The following MROH9 variants were observed in gnomAD, a reference collection of about 807,000 sequenced individuals.
MROH9 encodes the protein maestro heat-like repeat-containing protein family member 9.
In MROH9, 92 loss-of-function variants were observed where a neutral mutation model predicts 98.2. The ratio of observed to expected loss-of-function variants is 0.94; its 90% CI spans 0.79 to 1.11. The LOEUF (loss-of-function observed/expected upper bound fraction) is 1.11, where lower values mean the gene tolerates loss of function less well. Among genes scored for constraint, MROH9 ranks in the 50% most tolerant of loss-of-function variants. The probability of loss-of-function intolerance (pLI) is 0.00; values close to 1 mark genes in which losing one functional copy is unlikely to be tolerated. For missense variants in MROH9, 1,057 were observed against 1,014.8 expected (o/e 1.04, Z -0.57); for synonymous variants, 397 against 368.9 (o/e 1.08, Z -0.87).
At chr1:170,974,866 A>C (rs1650620949) in intron 8 of MROH9, among the ~76,000 whole-genome samples, 1 of 152,026 alleles carries the variant, frequency 6.6e-6, no homozygotes, top group Non-Finnish European at 1.5e-5. Flanking sequence ...TAAAGGGAAA[A>C]ATGTATAAAT....
At position 171,024,528 on chromosome 1, in the gene MROH9, A is replaced by G. The variant is rs1472106773; in HGVS notation, c.2042A>G (p.Asp681Gly). Residue 681 changes from aspartate (D) to glycine (G), a missense_variant, in exon 18 of 22, where the codon GAT (aspartate) becomes GGT (glycine). Transcript: ENST00000367759. ...LVPLILFLED[D>G]DKRVAEACKY... The stretch of plus-strand genomic sequence containing the variant: ...CCCCTAATCCTATTTTTGGAGGATG[A>G]TGATAAAAGAGTAGCTGAAGTAAGT... 3.3e-6 allele frequency: 5 copies of G among 1,533,326 alleles called. No individual in the cohort carries two copies. Among genetic ancestry groups the G allele is most frequent in the Non-Finnish European group, 4.4e-6 (5 of 1,140,208 alleles). The allele number at this position is 1,533,326 out of a possible 1,614,324, so 95.0% of individuals were successfully genotyped here.
At chr1:170,963,650 C>A (rs577957463) in intron 6 of MROH9, among the ~76,000 whole-genome samples, 5 of 152,212 alleles carry the variant, frequency 3.3e-5, no homozygotes, top group Non-Finnish European at 5.9e-5. Flanking sequence ...TACTATGCAG[C>A]CATACAAAAG....
chr1:171,055,548 G>T (rs1653809526), intron 20 of MROH9, among the ~76,000 whole-genome samples: 1 of 151,192 alleles, frequency 6.6e-6, no homozygotes, highest in South Asian at 2.1e-4. Context: ...GCTAGAATCT[G>T]GGAGGTGGAG....
At chr1:170,983,979 A>C (rs555472059) in intron 9 of MROH9, among the ~76,000 whole-genome samples, 1 of 152,352 alleles carries the variant, frequency 6.6e-6, no homozygotes, top group African/African-American at 2.4e-5. Context: ...AAAAATAAAA[A>C]TTTAAAAAGC....
chr1:171,001,690 G>A (rs116050998), intron 15 of MROH9, among the ~76,000 whole-genome samples: 6,103 of 151,758 alleles, frequency 0.04, 415 homozygotes, highest in African/African-American at 0.14. Flanking sequence ...AAAAAGTTCC[G>A]CTGTTGAACA....
chr1:171,035,444 AT>A (rs1653070632), intron 20 of MROH9, among the ~76,000 whole-genome samples: 1 of 151,986 alleles, frequency 6.6e-6, no homozygotes, highest in African/African-American at 2.4e-5. Context: ...ATATAAAAAA[AT>A]AAAAACTGAT....
chr1:170,959,413 T>C, intron 4 of MROH9, 49 bp from the exon 5 acceptor site: 1 of 1,495,568 alleles, frequency 6.7e-7, no homozygotes, highest in Non-Finnish European at 9.0e-7. Context: ...ACTAAATTTC[T>C]ATTATATTTG....
chr1:170,981,390 G>A (rs1393925328), intron 8 of MROH9, among the ~76,000 whole-genome samples: 1 of 152,164 alleles, frequency 6.6e-6, no homozygotes, highest in Non-Finnish European at 1.5e-5. Flanking sequence ...ACTGGATAAA[G>A]AAAATGTGGT....
At chr1:171,012,552 G>C (rs1652189345) in intron 15 of MROH9, among the ~76,000 whole-genome samples, 1 of 139,024 alleles carries the variant, frequency 7.2e-6, no homozygotes, top group South Asian at 2.2e-4. Flanking sequence ...ACCCAGGCTA[G>C]AGTGCAGTGG....
At chr1:171,033,087 G>A (rs1004106196) in intron 20 of MROH9, among the ~76,000 whole-genome samples, 2 of 152,238 alleles carry the variant, frequency 1.3e-5, no homozygotes, top group Admixed American at 6.5e-5. Flanking sequence ...GGGCTGCGGA[G>A]GGACAAGTCT....
intron 12 of MROH9, among the ~76,000 whole-genome samples, chr1:170,994,523 G>A (rs1651481555): frequency 6.6e-6 from 1 of 152,060 alleles, no homozygotes; most frequent in African/African-American, 2.4e-5. Flanking sequence ...CACATGAGAT[G>A]TTTCAATACC....
intron 20 of MROH9, among the ~76,000 whole-genome samples, chr1:171,027,803 A>G (rs527744143): frequency 1.3e-5 from 2 of 152,324 alleles, no homozygotes; most frequent in East Asian, 1.9e-4. Context: ...TCTAATGATC[A>G]GTGATGTTGA....
chr1:170,941,770 C>T (rs1350220166), intron 1 of MROH9, among the ~76,000 whole-genome samples: 2 of 152,186 alleles, frequency 1.3e-5, no homozygotes, highest in African/African-American at 4.8e-5. Context: ...GGACTTCCCT[C>T]ACAAATTGCT....
At chr1:171,002,272 C>T (rs1651808654) in intron 15 of MROH9, among the ~76,000 whole-genome samples, 1 of 151,880 alleles carries the variant, frequency 6.6e-6, no homozygotes, top group Admixed American at 6.6e-5. Flanking sequence ...GGTACTGTTG[C>T]ATTCATCATG....
chr1:170,940,233 A>AC (rs1456257610), intron 1 of MROH9, among the ~76,000 whole-genome samples: 1 of 152,112 alleles, frequency 6.6e-6, no homozygotes, highest in Non-Finnish European at 1.5e-5. Context: ...ACACTACTGG[A>AC]CCCCTAGAAA....
intron 12 of MROH9, among the ~76,000 whole-genome samples, chr1:170,994,984 T>C (rs1171778685): frequency 6.6e-6 from 1 of 150,404 alleles, no homozygotes; most frequent in Non-Finnish European, 1.5e-5. Context: ...AAATGATCTG[T>C]TGGTGACCTG....
intron 20 of MROH9, among the ~76,000 whole-genome samples, chr1:171,036,789 A>T (rs1293673022): frequency 1.8e-5 from 2 of 110,054 alleles, no homozygotes; most frequent in African/African-American, 8.9e-5. Flanking sequence ...ATACAAAAAT[A>T]AAAAAAAAAA....
At chr1:171,060,638 A>G (rs185273617) in intron 20 of MROH9, among the ~76,000 whole-genome samples, 1 of 152,338 alleles carries the variant, frequency 6.6e-6, no homozygotes, top group Admixed American at 6.5e-5. Context: ...ACTGCCGAAC[A>G]GTAAGGTAAG....
chr1:170,971,617 A>T, intron 7 of MROH9, 131 bp from the exon 8 acceptor site: 1 of 1,049,604 alleles, frequency 9.5e-7, no homozygotes. Context: ...CCAGGATTTG[A>T]TTACAGATAT....
Sources: gnomAD v4.1 joint callset for allele counts (sites outside exome capture counted in the v4.1 genomes callset) on GRCh38, gnomAD v4.1.1 for gene constraint, MANE v1.5 for transcripts, NCBI Gene and HGNC (gene_info 2026-07-23, HGNC 2026-07-21) for gene names.